The following MAPK10 variants were observed in gnomAD, a reference collection of about 807,000 sequenced individuals.
The protein encoded by MAPK10 is JNK3 alpha protein kinase.
In MAPK10, 25 loss-of-function variants were observed where a neutral mutation model predicts 59.3. That is an observed-to-expected ratio of 0.42 (90% CI 0.31 to 0.59). The LOEUF is 0.59. Ranked by LOEUF, MAPK10 falls within the 20% of genes least tolerant of loss-of-function variation. The pLI, the probability that MAPK10 is intolerant of heterozygous loss-of-function variation, is 0.15. For synonymous variants in MAPK10, 190 were observed against 200.5 expected, an observed-to-expected ratio of 0.95 and a Z score of 0.44; for missense variants, 351 against 568.9, an observed-to-expected ratio of 0.62 and a Z score of 3.90.
At chr4:86,042,720 A>G (rs1461446669) in intron 11 of MAPK10, among the ~76,000 whole-genome samples, 2 of 152,014 alleles carry the variant, frequency 1.3e-5, no homozygotes, top group African/African-American at 2.4e-5. Flanking sequence ...CAAAGTAGGG[A>G]ATCAAAGCAT....
intron 1 of MAPK10, among the ~76,000 whole-genome samples, chr4:86,466,138 T>C (rs546167606): frequency 1.3e-5 from 2 of 152,216 alleles, no homozygotes; most frequent in Admixed American, 6.5e-5. Flanking sequence ...TCTACTCCTA[T>C]AATTGAGGCA....
chr4:86,420,746 G>A (rs1746425902), intron 1 of MAPK10, among the ~76,000 whole-genome samples: 1 of 151,998 alleles, frequency 6.6e-6, no homozygotes, highest in Non-Finnish European at 1.5e-5. Flanking sequence ...TCGAGATCAC[G>A]CCACTGCATT....
chr4:86,562,245 C>T (rs900470261), intron 1 of MAPK10, among the ~76,000 whole-genome samples: 1 of 152,120 alleles, frequency 6.6e-6, no homozygotes, highest in Admixed American at 6.5e-5. Context: ...TGCCACTGCA[C>T]TCCAGCCTGG....
intron 2 of MAPK10, among the ~76,000 whole-genome samples, chr4:86,319,931 C>T (rs1289057526): frequency 6.6e-6 from 1 of 152,212 alleles, no homozygotes; most frequent in Non-Finnish European, 1.5e-5. Flanking sequence ...CACTCCTGTC[C>T]CTCTAAAGTG....
chr4:86,453,099 G>C (rs1304355792), exon 1 of MAPK10: 1 of 152,270 alleles, frequency 6.6e-6, no homozygotes, highest in Non-Finnish European at 1.5e-5. Context: ...AAATCCCTCT[G>C]GGCTCGCTGG....
intron 2 of MAPK10, among the ~76,000 whole-genome samples, chr4:86,241,933 TTTG>T (rs1216883459): frequency 2.6e-5 from 4 of 152,178 alleles, no homozygotes; most frequent in African/African-American, 9.7e-5. Flanking sequence ...TTCAGCATTT[TTTG>T]TTGTTGTTGA....
chr4:86,276,409 C>T (rs902049593), intron 2 of MAPK10, among the ~76,000 whole-genome samples: 3 of 151,658 alleles, frequency 2.0e-5, no homozygotes, highest in Admixed American at 6.6e-5. Context: ...TGTACTAGCC[C>T]GCCATATCTG....
chr4:86,147,931 T>C (rs547085922), intron 4 of MAPK10, among the ~76,000 whole-genome samples: 3 of 152,216 alleles, frequency 2.0e-5, no homozygotes, highest in African/African-American at 4.8e-5. Flanking sequence ...TTTGATGTAT[T>C]ACTCCTGAAA....
At chr4:86,195,062 G>A (rs905297115) in intron 2 of MAPK10, among the ~76,000 whole-genome samples, 1 of 152,040 alleles carries the variant, frequency 6.6e-6, no homozygotes, top group East Asian at 1.9e-4. Context: ...TTGGTGGGAA[G>A]TACAAAAATT....
chr4:86,247,969 G>GT (rs2093203383), intron 2 of MAPK10, among the ~76,000 whole-genome samples: 1 of 152,146 alleles, frequency 6.6e-6, no homozygotes, highest in South Asian at 2.1e-4. Context: ...CTAATTTTTT[G>GT]TTGTCATATA....
chr4:86,346,748 A>C (rs1370448445), intron 2 of MAPK10, among the ~76,000 whole-genome samples: 3 of 110,880 alleles, frequency 2.7e-5, no homozygotes, highest in East Asian at 2.7e-4. Flanking sequence ...AAAAAAAAAA[A>C]AAAACACATC....
chr4:86,153,617 G>C (rs1250043419), intron 4 of MAPK10, among the ~76,000 whole-genome samples: 3 of 152,000 alleles, frequency 2.0e-5, no homozygotes, highest in Non-Finnish European at 4.4e-5. Context: ...TGTTTTTTCT[G>C]TAAATATACT....
At chr4:86,136,183 A>G (rs557523095) in intron 4 of MAPK10, among the ~76,000 whole-genome samples, 1 of 152,276 alleles carries the variant, frequency 6.6e-6, no homozygotes, top group East Asian at 1.9e-4. Context: ...AAACACAGAG[A>G]ATGCCACAAA....
intron 1 of MAPK10, among the ~76,000 whole-genome samples, chr4:86,416,087 AG>A: frequency 6.6e-6 from 1 of 152,356 alleles, no homozygotes; most frequent in Non-Finnish European, 1.5e-5. Context: ...TGACTGCTTT[AG>A]GAGATGGGGC....
intron 2 of MAPK10, among the ~76,000 whole-genome samples, chr4:86,302,255 T>A (rs2095485613): frequency 6.6e-6 from 1 of 152,228 alleles, no homozygotes; most frequent in Non-Finnish European, 1.5e-5. Context: ...AGTTAGAGAA[T>A]GTAACCAATT....
intron 13 of MAPK10, among the ~76,000 whole-genome samples, chr4:86,021,983 G>T (rs573654293): frequency 1.6e-4 from 25 of 152,352 alleles, no homozygotes; most frequent in Non-Finnish European, 3.1e-4. Flanking sequence ...TCCCGCTCGT[G>T]CCTCTCCCTC....
intron 1 of MAPK10, among the ~76,000 whole-genome samples, chr4:86,399,017 C>G (rs1218004333): frequency 6.6e-6 from 1 of 152,122 alleles, no homozygotes; most frequent in Non-Finnish European, 1.5e-5. Flanking sequence ...ATGCTGGGCA[C>G]CTGGGTTGAT....
intron 9 of MAPK10, among the ~76,000 whole-genome samples, chr4:86,068,827 G>A (rs973713759): frequency 6.6e-5 from 10 of 151,944 alleles, no homozygotes; most frequent in Non-Finnish European, 1.5e-4. Context: ...ATTAATATTC[G>A]ATATATCAGA....
chr4:86,559,909 A>G (rs993172193), intron 1 of MAPK10, among the ~76,000 whole-genome samples: 1 of 150,710 alleles, frequency 6.6e-6, no homozygotes, highest in Admixed American at 6.7e-5. Flanking sequence ...ACTGCACTCC[A>G]GCCTGGCAAC....
Sources: allele counts gnomAD v4.1 joint callset (sites outside exome capture counted in the v4.1 genomes callset), GRCh38; gene constraint gnomAD v4.1.1; transcripts MANE v1.5; gene names NCBI Gene and HGNC (gene_info 2026-07-23, HGNC 2026-07-21).